The following PTPRT variants were observed in gnomAD, a reference collection of about 807,000 sequenced individuals.
PTPRT encodes the protein protein tyrosine phosphatase receptor type T, also known as receptor-type tyrosine-protein phosphatase T.
Under a neutral mutation model 176.8 loss-of-function variants are expected in PTPRT, and 56 were observed. The observed-to-expected ratio is 0.32, with a 90% CI of 0.26 to 0.40. The LOEUF (loss-of-function observed/expected upper bound fraction) is 0.40. Among genes scored for constraint, PTPRT ranks in the 10% least tolerant of loss-of-function variants. The pLI is 1.00. For missense variants in PTPRT, 1,540 were observed against 1,908.2 expected, an observed-to-expected ratio of 0.81 and a Z score of 3.60; for synonymous variants, 783 against 739.0, an observed-to-expected ratio of 1.06 and a Z score of -0.96.
At chr20:42,350,989 C>T (rs571607682) in intron 10 of PTPRT, among the ~76,000 whole-genome samples, 29 of 152,288 alleles carry the variant, frequency 1.9e-4, no homozygotes, top group Non-Finnish European at 2.9e-4. Context: ...CCAAAACGTT[C>T]CACACCTAAT....
intron 4 of PTPRT, 112 bp from the exon 5 acceptor site, chr20:42,771,662 A>T (rs759538632): frequency 1.3e-6 from 1 of 796,714 alleles, no homozygotes; most frequent in Non-Finnish European, 2.2e-6. Context: ...ACTGGCACTT[A>T]AGAAGTAGCC....
In PTPRT at chr20:42,300,789, A is replaced by G. The variant is rs1167669576; in HGVS notation, c.2139+14934T>C. Reference sequence around the variant, plus strand: ...ATTATTATTATTATTATTTATTATTATTATACTTTAAGTTTTAGGGTACAT... The same window carrying G: ...ATTATTATTATTATTATTTATTATTGTTATACTTTAAGTTTTAGGGTACAT... On this transcript the variant is annotated intron_variant, in intron 12 of 30. Transcript: ENST00000373187. Among the ~76,000 whole-genome samples the G allele has an allele frequency of 7.3e-5, 11 of 150,118 alleles. No homozygotes were observed. In the East Asian group the frequency reaches 2.1e-3, roughly 29 times the overall value.
Position 42,758,439 on chromosome 20 carries a change from C to T in PTPRT, c.685-1803G>A, listed in dbSNP as rs548329699. Among the ~76,000 whole-genome samples the T allele has an allele frequency of 3.0e-3, 459 of 152,236 alleles. 2 individuals are homozygous for T. The highest frequency in any genetic ancestry group is 0.011 in the African/African-American group (444 of 41,530). ...AGGCAGTGATCATGAAGGCCAGAAA[C>T]CCAGGGTATCCCAGGCCCCCATCAA... On this transcript the variant is annotated intron_variant, in intron 5 of 30. Transcript: ENST00000373187.
At chr20:42,472,029 A>C (rs1300106118) in intron 8 of PTPRT, among the ~76,000 whole-genome samples, 1 of 152,206 alleles carries the variant, frequency 6.6e-6, no homozygotes, top group African/African-American at 2.4e-5. Flanking sequence ...ATGGGGGTAC[A>C]AAAGGGCCAA....
chr20:42,824,089 C>T (rs974669706), intron 2 of PTPRT, among the ~76,000 whole-genome samples: 1 of 151,932 alleles, frequency 6.6e-6, no homozygotes, highest in Admixed American at 6.6e-5. Flanking sequence ...TGAAGAAACC[C>T]ACAAAACTTT....
intron 6 of PTPRT, among the ~76,000 whole-genome samples, chr20:42,733,599 A>T (rs2076494339): frequency 6.6e-6 from 1 of 152,168 alleles, no homozygotes; most frequent in African/African-American, 2.4e-5. Context: ...GCCAGAGCCG[A>T]GGGCTGCCTG....
intron 1 of PTPRT, among the ~76,000 whole-genome samples, chr20:42,993,434 A>ATG (rs1568722391): frequency 8.9e-6 from 1 of 112,668 alleles, no homozygotes; most frequent in South Asian, 2.3e-4. Flanking sequence ...AAAAAAAAGT[A>ATG]TGTGTGTATA....
intron 6 of PTPRT, among the ~76,000 whole-genome samples, chr20:42,723,553 G>T (rs916393495): frequency 1.3e-5 from 2 of 152,162 alleles, no homozygotes; most frequent in East Asian, 1.9e-4. Context: ...ATCCTCAGGG[G>T]CCTGAAAAGG....
chr20:42,297,059 C>T (rs1464662674), intron 12 of PTPRT, among the ~76,000 whole-genome samples: 1 of 151,862 alleles, frequency 6.6e-6, no homozygotes, highest in Admixed American at 6.6e-5. Flanking sequence ...ATGAAATAAG[C>T]TATAAACAGT....
At chr20:42,900,271 C>T (rs1029447071) in intron 1 of PTPRT, among the ~76,000 whole-genome samples, 6 of 152,212 alleles carry the variant, frequency 3.9e-5, no homozygotes, top group African/African-American at 1.2e-4. Context: ...GGGGGCTAAA[C>T]CCAGGTCCTT....
intron 16 of PTPRT, among the ~76,000 whole-genome samples, chr20:42,169,786 ACACAC>A (rs1989997671): frequency 7.3e-6 from 1 of 137,582 alleles, no homozygotes; most frequent in Non-Finnish European, 1.6e-5. Context: ...ACACACACAC[ACACAC>A]AACAGTCAGT....
chr20:42,733,582 G>A (rs1004888969), intron 6 of PTPRT, among the ~76,000 whole-genome samples: 3 of 152,192 alleles, frequency 2.0e-5, no homozygotes, highest in African/African-American at 7.2e-5. Flanking sequence ...GAGCTCATTA[G>A]CACCTCGCCA....
Position 42,272,663 on chromosome 20 carries a change from C to G in PTPRT, c.2176+9826G>C, listed in dbSNP as rs933805416. ...GTCTGCTTAAGTACCTCCAGGGGCT[C>G]CACTATCTAAGGACAATGCTTTTAT... On this transcript the variant is annotated intron_variant, in intron 13 of 30. Transcript: ENST00000373187. Among the ~76,000 whole-genome samples, 25 of 152,106 alleles carry G rather than the reference C, an allele frequency of 1.6e-4. 1 individual carries two copies. The highest frequency in any genetic ancestry group is 1.5e-5 in the Non-Finnish European group (1 of 68,002).
At chr20:42,822,606 G>C (rs1222886462) in intron 2 of PTPRT, among the ~76,000 whole-genome samples, 1 of 152,080 alleles carries the variant, frequency 6.6e-6, no homozygotes, top group African/African-American at 2.4e-5. Context: ...GCATCAGAGT[G>C]AACAGGCAAC....
chr20:42,038,374 A>T, the PTPRT span, among the ~76,000 whole-genome samples: 1 of 152,180 alleles, frequency 6.6e-6, no homozygotes, highest in African/African-American at 2.4e-5. Context: ...GACTGTTAAG[A>T]CTTCCAAGAG....
At chr20:42,404,926 C>A (rs1262333559) in intron 9 of PTPRT, among the ~76,000 whole-genome samples, 1 of 135,322 alleles carries the variant, frequency 7.4e-6, no homozygotes, top group African/African-American at 2.8e-5. Flanking sequence ...TTTGTCATGA[C>A]AGATAAATGA....
At chr20:42,370,072 C>T (rs574666001) in intron 9 of PTPRT, among the ~76,000 whole-genome samples, 28 of 152,256 alleles carry the variant, frequency 1.8e-4, no homozygotes, top group African/African-American at 5.8e-4. Context: ...TCCTGTAACC[C>T]GTGTGTTATG....
In PTPRT at chr20:43,189,745, C is replaced by CGGA; in HGVS notation, c.-13_-12insTCC. 1 of 1,220,862 alleles carries CGGA rather than the reference C, an allele frequency of 8.2e-7. No individual in the cohort carries two copies. The highest frequency in any genetic ancestry group is 1.6e-5 in the African/African-American group (1 of 62,440). 75.6% of individuals were successfully genotyped at this position (1,220,862 alleles called of 1,614,324 possible). ...GCGAGGCTCGCCATCCGGGCGGCGG[C>CGGA]GGGCAGCTCAGCCCCTTCCCGCGGG... On this transcript the variant is annotated 5_prime_UTR_variant, in exon 1 of 31. Transcript: ENST00000373187. This position sits in a 1 kb window ranked among gnomAD's most constrained non-coding sequence, Gnocchi z 5.0.
intron 1 of PTPRT, among the ~76,000 whole-genome samples, chr20:43,138,171 C>T (rs1410198143): frequency 1.3e-5 from 2 of 152,212 alleles, no homozygotes; most frequent in Non-Finnish European, 2.9e-5. Flanking sequence ...AGGGATTGCC[C>T]GGGCTCTCTG....
Sources: gnomAD v4.1 joint callset for allele counts (sites outside exome capture counted in the v4.1 genomes callset) on GRCh38, gnomAD v4.1.1 for gene constraint, Gnocchi (gnomAD v3.1) non-coding constraint, MANE v1.5 for transcripts, NCBI Gene and HGNC (gene_info 2026-07-23, HGNC 2026-07-21) for gene names.